The following BMPR1B variants were observed in gnomAD, a reference collection of about 807,000 sequenced individuals.
BMPR1B encodes bone morphogenetic protein receptor type-1B.
A neutral mutation model predicts 59.1 loss-of-function variants in BMPR1B; 12 were observed. The observed-to-expected ratio is 0.20, with a 90% CI of 0.13 to 0.33. The LOEUF is 0.33. Ranked by LOEUF, BMPR1B falls within the 10% of genes least tolerant of loss-of-function variation. BMPR1B has a pLI of 1.00. For synonymous variants in BMPR1B, 237 were observed against 207.3 expected (o/e 1.14, Z -1.23); for missense variants, 550 against 610.9 (o/e 0.90, Z 1.05).
intron 2 of BMPR1B, among the ~76,000 whole-genome samples, chr4:94,886,468 G>T (rs946041041): frequency 6.6e-6 from 1 of 152,108 alleles, no homozygotes; most frequent in Non-Finnish European, 1.5e-5. Context: ...TACAAATACT[G>T]CACTTGATAT....
intron 2 of BMPR1B, among the ~76,000 whole-genome samples, chr4:94,910,499 T>A (rs1289041077): frequency 6.6e-6 from 1 of 152,130 alleles, no homozygotes; most frequent in East Asian, 1.9e-4. Flanking sequence ...TCTAGCTAAG[T>A]AATTTATAAG....
At chr4:94,765,686 T>C (rs1310581476) in intron 1 of BMPR1B, among the ~76,000 whole-genome samples, 1 of 152,354 alleles carries the variant, frequency 6.6e-6, no homozygotes, top group East Asian at 1.9e-4. Flanking sequence ...CTTTGTCACA[T>C]AGTAAATGAA....
At chr4:94,808,806 C>A (rs1174892555) in intron 1 of BMPR1B, among the ~76,000 whole-genome samples, 2 of 152,130 alleles carry the variant, frequency 1.3e-5, no homozygotes, top group African/African-American at 4.8e-5. Flanking sequence ...GCTGTAATCC[C>A]AGCACTTTGG....
chr4:95,087,603 T>G (rs1439256001), intron 3 of BMPR1B, among the ~76,000 whole-genome samples: 1 of 152,088 alleles, frequency 6.6e-6, no homozygotes, highest in Non-Finnish European at 1.5e-5. Flanking sequence ...TGGTGGTGCA[T>G]GCCTGTGGTC....
chr4:95,107,413 CTT>C (rs1275866231), intron 4 of BMPR1B, among the ~76,000 whole-genome samples: 3 of 151,984 alleles, frequency 2.0e-5, no homozygotes, highest in African/African-American at 7.2e-5. Context: ...GGTTGTCAAA[CTT>C]TGATTTATGA....
intron 2 of BMPR1B, among the ~76,000 whole-genome samples, chr4:94,882,449 A>AT (rs1488369695): frequency 2.6e-5 from 4 of 152,140 alleles, no homozygotes; most frequent in Non-Finnish European, 5.9e-5. Flanking sequence ...GAAAATTGTG[A>AT]TTTTGCCTTT....
At chr4:95,034,233 A>G (rs1725070692) in intron 3 of BMPR1B, among the ~76,000 whole-genome samples, 1 of 152,170 alleles carries the variant, frequency 6.6e-6, no homozygotes, top group South Asian at 2.1e-4. Flanking sequence ...TTCAATTTTT[A>G]ATTTTTGTGG....
chr4:95,104,755 G>C (rs1341985638), intron 4 of BMPR1B, among the ~76,000 whole-genome samples, 188 bp downstream of exon 4: 4 of 152,048 alleles, frequency 2.6e-5, no homozygotes, highest in Non-Finnish European at 5.9e-5. Context: ...AATGTTCTAA[G>C]CTTCTTTTTG....
chr4:95,044,845 A>G (rs1314256630), intron 3 of BMPR1B, among the ~76,000 whole-genome samples: 2 of 152,122 alleles, frequency 1.3e-5, no homozygotes, highest in Non-Finnish European at 2.9e-5. Flanking sequence ...TCAGGAAAAA[A>G]GTTTTTGTAC....
intron 1 of BMPR1B, among the ~76,000 whole-genome samples, chr4:94,788,349 A>G (rs1254577097): frequency 1.3e-5 from 2 of 152,162 alleles, no homozygotes; most frequent in African/African-American, 4.8e-5. Context: ...GGGGACAGGG[A>G]GGAGTATCTC....
chr4:95,103,501 C>T (rs144684999), intron 3 of BMPR1B: 40 of 985,070 alleles, frequency 4.1e-5, no homozygotes, highest in African/African-American at 3.5e-4. Context: ...CTTACCACAA[C>T]GCCTGAAACA....
Position 95,155,275 on chromosome 4 carries a change from A to G in BMPR1B, c.*602A>G, listed in dbSNP as rs986646331. On this transcript the variant is annotated 3_prime_UTR_variant, in exon 13 of 13. Transcript: ENST00000515059. ...CTATGGTAATGTGAATGCACTGGGTACAAACACCGCCTGTCTAGGACCACA... is the reference window on the plus strand; with the variant it reads ...CTATGGTAATGTGAATGCACTGGGTGCAAACACCGCCTGTCTAGGACCACA... 1 of 153,784 alleles carries G rather than the reference A, an allele frequency of 6.5e-6. No homozygotes were observed. The highest frequency in any genetic ancestry group is 2.4e-5 in the African/African-American group (1 of 41,384). The allele number at this position is 153,784 out of a possible 1,614,324, so 9.5% of individuals were successfully genotyped here.
At chr4:94,988,726 A>G (rs1721558416) in intron 2 of BMPR1B, among the ~76,000 whole-genome samples, 1 of 152,282 alleles carries the variant, frequency 6.6e-6, no homozygotes, top group Non-Finnish European at 1.5e-5. Flanking sequence ...AGACTTATGT[A>G]TGATTTTCCT....
At chr4:94,828,928 T>C (rs1181122263) in intron 1 of BMPR1B, among the ~76,000 whole-genome samples, 3 of 151,982 alleles carry the variant, frequency 2.0e-5, no homozygotes, top group Non-Finnish European at 4.4e-5. Flanking sequence ...CCTTCTATTC[T>C]GAGTAGTGAT....
intron 1 of BMPR1B, among the ~76,000 whole-genome samples, chr4:94,780,929 C>T (rs1722565574): frequency 6.6e-6 from 1 of 152,016 alleles, no homozygotes; most frequent in Non-Finnish European, 1.5e-5. Context: ...ACCTTGTGAT[C>T]CACCCACCTC....
At chr4:95,040,847 G>C (rs939054234) in intron 3 of BMPR1B, among the ~76,000 whole-genome samples, 11 of 152,130 alleles carry the variant, frequency 7.2e-5, no homozygotes, top group African/African-American at 2.4e-4. Context: ...AACAAACTCA[G>C]ACTCTTCCAG....
chr4:95,130,172 T>C (rs1733222251), intron 9 of BMPR1B, 118 bp downstream of exon 9: 2 of 1,231,260 alleles, frequency 1.6e-6, no homozygotes, highest in East Asian at 5.1e-5. Flanking sequence ...TGAAGTTTTC[T>C]TCTTGGCATG....
chr4:95,109,796 G>T (rs534284192), intron 4 of BMPR1B, among the ~76,000 whole-genome samples: 2 of 151,192 alleles, frequency 1.3e-5, no homozygotes, highest in South Asian at 2.1e-4. Flanking sequence ...TGCCATGTTG[G>T]TGTGCTGCAC....
intron 2 of BMPR1B, among the ~76,000 whole-genome samples, chr4:94,934,091 C>T (rs190749488): frequency 0.016 from 2,408 of 152,148 alleles, 62 homozygotes; most frequent in African/African-American, 0.055. Context: ...CATGAGTGCA[C>T]ATGTGTTTGT....
Sources: allele counts gnomAD v4.1 joint callset (sites outside exome capture counted in the v4.1 genomes callset), GRCh38; gene constraint gnomAD v4.1.1; transcripts MANE v1.5; gene names NCBI Gene and HGNC (gene_info 2026-07-23, HGNC 2026-07-21).